Variants in DDR2 observed in about 807,000 individuals in gnomAD.
DDR2 encodes discoidin domain-containing receptor 2.
Under a neutral mutation model 94.9 loss-of-function variants are expected in DDR2, and 27 were observed. The observed-to-expected ratio is 0.28, with a 90% CI of 0.21 to 0.39. DDR2 has a LOEUF of 0.39. Among genes scored for constraint, DDR2 ranks in the 10% least tolerant of loss-of-function variants. The pLI is 1.00. For missense variants in DDR2, 783 were observed against 1,076.0 expected, an observed-to-expected ratio of 0.73 and a Z score of 3.81; for synonymous variants, 382 against 377.2, an observed-to-expected ratio of 1.01 and a Z score of -0.15.
intron 1 of DDR2, among the ~76,000 whole-genome samples, chr1:162,653,570 G>A (rs1455202303): frequency 3.0e-5 from 4 of 131,494 alleles, no homozygotes; most frequent in Admixed American, 8.5e-5. Flanking sequence ...ATGATAGAAT[G>A]AGACTCTGTC....
intron 4 of DDR2, among the ~76,000 whole-genome samples, chr1:162,753,927 T>C (rs1663334617): frequency 6.6e-6 from 1 of 152,164 alleles, no homozygotes; most frequent in Admixed American, 6.5e-5. Context: ...ACTAGAGTGA[T>C]GGTAGGTGGA....
chr1:162,691,590 T>C (rs1332460568), intron 2 of DDR2, among the ~76,000 whole-genome samples: 1 of 152,202 alleles, frequency 6.6e-6, no homozygotes, highest in Non-Finnish European at 1.5e-5. Flanking sequence ...AAGACCAGTG[T>C]CTAGTGACGT....
chr1:162,725,851 T>C (rs1661640389), intron 3 of DDR2, among the ~76,000 whole-genome samples: 2 of 152,248 alleles, frequency 1.3e-5, no homozygotes, highest in Admixed American at 6.5e-5. Context: ...AAATGTTTTC[T>C]ATTATCAGAT....
intron 2 of DDR2, among the ~76,000 whole-genome samples, chr1:162,710,254 A>G (rs1427382446): frequency 6.6e-6 from 1 of 152,154 alleles, no homozygotes; most frequent in Admixed American, 6.5e-5. Flanking sequence ...ACAAAGGCAG[A>G]AGTGGAGCTT....
chr1:162,662,943 A>G (rs181827675), intron 2 of DDR2, among the ~76,000 whole-genome samples: 43 of 152,266 alleles, frequency 2.8e-4, no homozygotes, highest in Middle Eastern at 3.4e-3. Flanking sequence ...TGTGGGGTTG[A>G]CACGGGACAG....
chr1:162,674,863 A>G (rs1413909524), intron 2 of DDR2, among the ~76,000 whole-genome samples: 1 of 152,160 alleles, frequency 6.6e-6, no homozygotes, highest in African/African-American at 2.4e-5. Context: ...GGATAAGAAG[A>G]GAAACATTGG....
chr1:162,718,799 C>G (rs1040188399), intron 2 of DDR2, among the ~76,000 whole-genome samples: 6 of 152,042 alleles, frequency 3.9e-5, no homozygotes, highest in African/African-American at 1.4e-4. Flanking sequence ...TATACTTTTG[C>G]TAATTTAAAT....
At chr1:162,640,514 C>T (rs1657078053) in intron 1 of DDR2, among the ~76,000 whole-genome samples, 1 of 152,140 alleles carries the variant, frequency 6.6e-6, no homozygotes, top group African/African-American at 2.4e-5. Flanking sequence ...GAACCTACAA[C>T]TGCTTTAAAA....
In DDR2 at chr1:162,724,723, C is replaced by T. The variant is rs73024593; in HGVS notation, c.82+5578C>T. 3.1e-3 allele frequency among the ~76,000 whole-genome samples: 467 copies of T among 152,116 alleles called. 1 individual carries two copies. The highest frequency in any genetic ancestry group is 0.011 in the African/African-American group (442 of 41,522). ...GATGCTAGTTTCAGGTTTGTGAAAC[C>T]AGGCCTGAGGTACTAGTGTTGTGAT... On this transcript the variant is annotated intron_variant, in intron 3 of 17. Transcript: ENST00000367921.
chr1:162,676,402 A>C (rs1273118622), intron 2 of DDR2, among the ~76,000 whole-genome samples: 1 of 152,166 alleles, frequency 6.6e-6, no homozygotes, highest in Non-Finnish European at 1.5e-5. Flanking sequence ...ATTAGTTTAT[A>C]TAATACTTTA....
At chr1:162,663,811 A>G (rs1310718554) in intron 2 of DDR2, among the ~76,000 whole-genome samples, 2 of 152,176 alleles carry the variant, frequency 1.3e-5, no homozygotes, top group Non-Finnish European at 2.9e-5. Context: ...AAAGCCAGTG[A>G]TTGCATCCAA....
intron 4 of DDR2, among the ~76,000 whole-genome samples, chr1:162,753,662 A>G (rs1232194180): frequency 2.0e-5 from 3 of 152,094 alleles, no homozygotes; most frequent in Non-Finnish European, 4.4e-5. Flanking sequence ...GCCTCCAACA[A>G]GTTCTCCACC....
chr1:162,678,826 G>T (rs1259090095), intron 2 of DDR2, among the ~76,000 whole-genome samples: 1 of 152,212 alleles, frequency 6.6e-6, no homozygotes, highest in Non-Finnish European at 1.5e-5. Flanking sequence ...GGCTGGACTT[G>T]GTGAGTGGCA....
At chr1:162,738,968 T>C (rs1387134321) in intron 3 of DDR2, among the ~76,000 whole-genome samples, 1 of 23,992 alleles carries the variant, frequency 4.2e-5, no homozygotes, top group Non-Finnish European at 1.2e-4. Context: ...CAAGATGGAT[T>C]AAAGATTTAA....
chr1:162,719,336 C>A (rs1661308292), intron 3 of DDR2, 191 bp downstream of exon 3: 4 of 709,960 alleles, frequency 5.6e-6, no homozygotes, highest in Non-Finnish European at 6.9e-6. Context: ...TTAATACTTA[C>A]AACCTGTTGA....
At chr1:162,647,522 A>T (rs1657473488) in intron 1 of DDR2, among the ~76,000 whole-genome samples, 1 of 152,246 alleles carries the variant, frequency 6.6e-6, no homozygotes, top group Non-Finnish European at 1.5e-5. Flanking sequence ...TGGCTACTCC[A>T]TAGGCAGAGC....
chr1:162,724,839 G>A (rs1022288157), intron 3 of DDR2, among the ~76,000 whole-genome samples: 6 of 152,170 alleles, frequency 3.9e-5, no homozygotes, highest in Admixed American at 1.3e-4. Flanking sequence ...ATAAAAGGCC[G>A]GCAAAAGACC....
intron 3 of DDR2, among the ~76,000 whole-genome samples, chr1:162,750,561 C>T (rs1663136314): frequency 6.6e-6 from 1 of 152,150 alleles, no homozygotes; most frequent in African/African-American, 2.4e-5. Context: ...TGGAAATGGC[C>T]ATACTGCCCA....
rs542432224 is a variant in DDR2, at chr1:162,764,897, GA to G, written c.1100-1097del. On this transcript the variant is annotated intron_variant, in intron 9 of 17. Transcript: ENST00000367921. ...ATCCTTTCAGATTTGATTTTTAAGG[GA>G]AAAAAATTTCAAGATGGTTTGCTTA... is the stretch of plus-strand genomic sequence containing the variant. Among the ~76,000 whole-genome samples the G allele has an allele frequency of 6.6e-5, 10 of 151,846 alleles. No homozygotes were observed. The South Asian group carries it at 8.3e-4, about 13-fold the overall frequency.
Sources: gnomAD v4.1 joint callset for allele counts (sites outside exome capture counted in the v4.1 genomes callset) on GRCh38, gnomAD v4.1.1 for gene constraint, MANE v1.5 for transcripts, NCBI Gene and HGNC (gene_info 2026-07-23, HGNC 2026-07-21) for gene names.